The following DNAH11 variants were observed in gnomAD, a reference collection of about 807,000 sequenced individuals.
DNAH11 encodes the protein axonemal beta dynein heavy chain 11.
In DNAH11, 442 loss-of-function variants were observed where a neutral mutation model predicts 526.0. That is an observed-to-expected ratio of 0.84 (90% CI 0.78 to 0.91). The LOEUF (loss-of-function observed/expected upper bound fraction) is 0.91, where lower values mean the gene tolerates loss of function less well. Among genes scored for constraint, DNAH11 ranks in the 40% least tolerant of loss-of-function variants. The pLI is 0.00. For missense variants in DNAH11, 6,989 were observed against 5,448.7 expected (o/e 1.28, Z -8.90); for synonymous variants, 2,461 against 1,935.9 (o/e 1.27, Z -7.12).
At chr7:21,565,431 A>C (rs1783627083) in intron 6 of DNAH11, among the ~76,000 whole-genome samples, 1 of 152,252 alleles carries the variant, frequency 6.6e-6, no homozygotes, top group Non-Finnish European at 1.5e-5. Context: ...CAAATGAATT[A>C]ACCAAGACTT....
intron 47 of DNAH11, among the ~76,000 whole-genome samples, chr7:21,739,314 A>G (rs971311861): frequency 2.6e-5 from 4 of 152,210 alleles, no homozygotes; most frequent in African/African-American, 9.6e-5. Flanking sequence ...ACAGAGTAAC[A>G]TGAGAATCAA....
chr7:21,894,694 A>T lies in DNAH11; in HGVS notation c.12822A>T (p.Lys4274Asn), dbSNP rs1784444910. 6.2e-7 allele frequency: 1 copy of T among 1,613,884 alleles called. No homozygotes were observed. The highest frequency in any genetic ancestry group is 1.3e-5 in the African/African-American group (1 of 74,946). ...TCAACATGGCAGAGATAATGCAAAA[A>T]AATTCAAATAGAAGCCCATATGTTC... The part of the protein sequence containing the change: ...EEFNMAEIMQ[K>N]NSNRSPYVLV... The change falls in exon 78 of 82, where the codon AAA becomes AAT. Residue 4274 changes from lysine to asparagine, a missense_variant. Coordinates refer to ENST00000409508, the MANE Select transcript of DNAH11 (RefSeq NM_001277115.2).
intron 30 of DNAH11, among the ~76,000 whole-genome samples, chr7:21,663,285 T>C (rs995580903): frequency 2.6e-5 from 4 of 152,100 alleles, no homozygotes; most frequent in African/African-American, 9.7e-5. Context: ...GCAATAAACA[T>C]AGGGGTAGAG....
chr7:21,871,094 A>G (rs143204045), intron 73 of DNAH11, among the ~76,000 whole-genome samples: 110 of 152,344 alleles, frequency 7.2e-4, no homozygotes, highest in African/African-American at 2.5e-3. Context: ...CTAAGCCCCA[A>G]TGTGATCAAT....
At chr7:21,778,554 T>C (rs1051023169) in intron 56 of DNAH11, among the ~76,000 whole-genome samples, 14 of 152,088 alleles carry the variant, frequency 9.2e-5, no homozygotes, top group African/African-American at 2.2e-4. Context: ...CAACCTTCTG[T>C]TGGACAGTGA....
At position 21,588,996 on chromosome 7, in the gene DNAH11, A is replaced by G. The variant is rs140212010; in HGVS notation, c.1974-212A>G. Among the ~76,000 whole-genome samples, 505 of 152,138 alleles carry G rather than the reference A, an allele frequency of 3.3e-3. 2 individuals carry two copies. The highest frequency in any genetic ancestry group is 5.5e-3 in the Non-Finnish European group (373 of 68,000). ...TCCTAGGAGCCAGTAGCTTGTTGCT[A>G]TCAACATTTAGTAAAATCTTGAGTT... On this transcript the variant is annotated intron_variant, in intron 11 of 81. Transcript: ENST00000409508.
At chr7:21,555,588 C>A (rs1783185427) in intron 2 of DNAH11, among the ~76,000 whole-genome samples, 1 of 152,200 alleles carries the variant, frequency 6.6e-6, no homozygotes, top group African/African-American at 2.4e-5. Flanking sequence ...TGCTTCATAT[C>A]TATGTTATAT....
intron 73 of DNAH11, among the ~76,000 whole-genome samples, chr7:21,872,948 GAA>G (rs1783557697): frequency 6.6e-6 from 1 of 152,124 alleles, no homozygotes; most frequent in African/African-American, 2.4e-5. Context: ...CCATAACAAA[GAA>G]AAGTACTAGG....
intron 63 of DNAH11, among the ~76,000 whole-genome samples, chr7:21,808,419 G>A (rs1364317386): frequency 6.6e-6 from 1 of 152,012 alleles, no homozygotes; most frequent in Admixed American, 6.6e-5. Context: ...CTAGCTGTTT[G>A]AAATATACAA....
chr7:21,873,357 G>C lies in DNAH11; in HGVS notation c.12051G>C (p.Arg4017Ser). The change falls in exon 74 of 82, where the codon AGG becomes AGC. Residue 4017 changes from arginine to serine, a missense_variant. Coordinates refer to ENST00000409508, the MANE Select transcript of DNAH11 (RefSeq NM_001277115.2). ...GCCAAGGAAGCCACAGAGATTACAG[G>C]GTTTTCATGAGTGCTGAGTCTGCAC... ...RFSQGSHRDYRVFMSAESAPT... is the reference protein window; with the variant it reads ...RFSQGSHRDYSVFMSAESAPT... 1 of 1,613,716 alleles carries C rather than the reference G, an allele frequency of 6.2e-7. No homozygotes were observed. Among genetic ancestry groups the C allele is most frequent in the Non-Finnish European group, 8.5e-7 (1 of 1,179,802 alleles).
chr7:21,865,498 C>T (rs77204274), intron 70 of DNAH11, among the ~76,000 whole-genome samples: 1 of 152,052 alleles, frequency 6.6e-6, no homozygotes, highest in Non-Finnish European at 1.5e-5. Flanking sequence ...GGAAATCAAC[C>T]AGGGGATGGG....
chr7:21,898,718 G>A (rs1784622617), intron 79 of DNAH11, among the ~76,000 whole-genome samples: 1 of 152,164 alleles, frequency 6.6e-6, no homozygotes, highest in South Asian at 2.1e-4. Flanking sequence ...TTGCCCAATT[G>A]TGAGGAGCCG....
chr7:21,756,660 T>C (rs1220931077), intron 54 of DNAH11, among the ~76,000 whole-genome samples: 1 of 152,144 alleles, frequency 6.6e-6, no homozygotes, highest in Non-Finnish European at 1.5e-5. Flanking sequence ...ATTTAAGGTT[T>C]TTTCTTGATA....
chr7:21,670,685 T>C (rs540434616), intron 30 of DNAH11, among the ~76,000 whole-genome samples: 1 of 152,298 alleles, frequency 6.6e-6, no homozygotes, highest in South Asian at 2.1e-4. Flanking sequence ...CCTTATCAGA[T>C]AGAGGAAAAT....
intron 36 of DNAH11, 37 bp from the exon 37 acceptor site, chr7:21,702,673 T>A: frequency 6.3e-7 from 1 of 1,575,890 alleles, no homozygotes; most frequent in Non-Finnish European, 8.7e-7. Context: ...TCTTCCCTCA[T>A]ACAATTTTTG....
chr7:21,633,541 G>A (rs1786718428), intron 25 of DNAH11, among the ~76,000 whole-genome samples: 1 of 152,114 alleles, frequency 6.6e-6, no homozygotes, highest in African/African-American at 2.4e-5. Context: ...TTTAAATTGT[G>A]ATTTTTTACT....
intron 6 of DNAH11, among the ~76,000 whole-genome samples, chr7:21,567,844 G>A (rs866546860): frequency 9.8e-5 from 15 of 152,326 alleles, no homozygotes; most frequent in East Asian, 5.8e-4. Context: ...TTCACCTTGC[G>A]TGCTAGCACA....
chr7:21,766,491 G>C (rs1316196492), intron 55 of DNAH11, among the ~76,000 whole-genome samples: 2 of 152,134 alleles, frequency 1.3e-5, no homozygotes, highest in African/African-American at 4.8e-5. Flanking sequence ...AATGATGTCT[G>C]TTTCTAGTTG....
At chr7:21,555,500 C>G (rs915190519) in intron 2 of DNAH11, among the ~76,000 whole-genome samples, 1 of 152,232 alleles carries the variant, frequency 6.6e-6, no homozygotes. Context: ...TTCTTGCACA[C>G]CCCAATTGCT....
Sources: gnomAD v4.1 joint callset for allele counts (sites outside exome capture counted in the v4.1 genomes callset) on GRCh38, gnomAD v4.1.1 for gene constraint, MANE v1.5 for transcripts, NCBI Gene and HGNC (gene_info 2026-07-23, HGNC 2026-07-21) for gene names.